The following FAM120C variants were observed in gnomAD, a reference collection of about 807,000 sequenced individuals.
FAM120C encodes family with sequence similarity 120 member C, also known as constitutive coactivator of PPAR-gamma-like protein 2.
Under a neutral mutation model 71.2 loss-of-function variants are expected in FAM120C, and 14 were observed. The observed-to-expected ratio is 0.20, with a 90% CI of 0.13 to 0.31. FAM120C has a LOEUF of 0.31. FAM120C is among the 10% of genes least tolerant of loss of function. The pLI, the probability that FAM120C is intolerant of heterozygous loss-of-function variation, is 1.00. For synonymous variants in FAM120C, 354 were observed against 353.2 expected, an observed-to-expected ratio of 1.00 and a Z score of -0.03; for missense variants, 500 against 879.0, an observed-to-expected ratio of 0.57 and a Z score of 5.45.
At chrX:54,162,753 C>G (rs1476420087) in intron 1 of FAM120C, among the ~76,000 whole-genome samples, 2 of 111,729 alleles carry the variant, frequency 1.8e-5, no homozygotes, top group Admixed American at 1.9e-4. Flanking sequence ...CTACTATGTA[C>G]CAGGCACTGT....
intron 9 of FAM120C, among the ~76,000 whole-genome samples, chrX:54,129,063 C>T (rs1287036433): frequency 2.8e-5 from 3 of 106,591 alleles, no homozygotes; most frequent in East Asian, 6.2e-4. Context: ...CAGAGGCGCC[C>T]CCAACCTCCC....
At position 54,072,877 on chromosome X, in the gene FAM120C, G is replaced by T; in HGVS notation, c.*156C>A. On this transcript the variant is annotated 3_prime_UTR_variant, in exon 16 of 16. Transcript: ENST00000375180. ...CACTGAATCTGAAGTCCCAGAAACA[G>T]GCAGGGAAGGGGAAAAGATGGACAC... is the stretch of plus-strand genomic sequence containing the variant. The T allele has an allele frequency of 1.6e-6, 1 of 611,013 alleles. No homozygotes were observed. The highest frequency in any genetic ancestry group is 2.4e-6 in the Non-Finnish European group (1 of 410,370). The allele number at this position is 611,013 out of a possible 1,213,427, so 50.4% of individuals were successfully genotyped here.
chrX:54,143,068 C>T (rs1240285331), intron 4 of FAM120C, among the ~76,000 whole-genome samples: 1 of 111,580 alleles, frequency 9.0e-6, no homozygotes, highest in Non-Finnish European at 1.9e-5. Flanking sequence ...AAAGGACATC[C>T]ACACCAAAAC....
intron 10 of FAM120C, among the ~76,000 whole-genome samples, chrX:54,112,366 G>A (rs992891460): frequency 1.8e-5 from 2 of 110,449 alleles, no homozygotes; most frequent in Non-Finnish European, 3.8e-5. Context: ...GTCGTAAGCC[G>A]AGATCGCGCC....
At chrX:54,177,094 T>C (rs2067322813) in intron 1 of FAM120C, among the ~76,000 whole-genome samples, 1 of 110,636 alleles carries the variant, frequency 9.0e-6, no homozygotes, top group Admixed American at 9.7e-5. Context: ...ACTAAGAAAA[T>C]ATAGAATGGT....
chrX:54,079,407 T>G (rs2066753364), intron 15 of FAM120C, among the ~76,000 whole-genome samples: 1 of 110,191 alleles, frequency 9.1e-6, no homozygotes, highest in African/African-American at 3.3e-5. Flanking sequence ...GCCACTGCAC[T>G]CCAGCCTGCC....
At chrX:54,174,582 G>A (rs1030537833) in intron 1 of FAM120C, among the ~76,000 whole-genome samples, 4 of 112,001 alleles carry the variant, frequency 3.6e-5, no homozygotes, top group African/African-American at 1.3e-4. Flanking sequence ...CAACAAATTC[G>A]AACTTGTTAA....
intron 8 of FAM120C, 61 bp downstream of exon 8, chrX:54,133,712 C>T: frequency 8.9e-7 from 1 of 1,121,082 alleles, no homozygotes. Context: ...AACTTACAGT[C>T]CTAGGAAGTA....
intron 5 of FAM120C, among the ~76,000 whole-genome samples, chrX:54,135,999 CTT>C (rs782253279): frequency 1.5e-4 from 15 of 96,842 alleles, no homozygotes; most frequent in Admixed American, 1.1e-4. Flanking sequence ...CAGGGCCCTT[CTT>C]TTTTTTTTTT....
chrX:54,163,851 C>T (rs897569207), intron 1 of FAM120C, among the ~76,000 whole-genome samples: 1 of 108,561 alleles, frequency 9.2e-6, no homozygotes, highest in Non-Finnish European at 1.9e-5. Flanking sequence ...TTAAGTCATT[C>T]GTTTCATCTA....
intron 10 of FAM120C, among the ~76,000 whole-genome samples, chrX:54,110,736 G>T (rs1339175521): frequency 9.1e-6 from 1 of 110,134 alleles, no homozygotes; most frequent in Non-Finnish European, 1.9e-5. Context: ...CATAGTGAGA[G>T]CCTGTCTCTA....
At chrX:54,127,757 T>TA (rs1249314952) in intron 9 of FAM120C, among the ~76,000 whole-genome samples, 14 of 109,177 alleles carry the variant, frequency 1.3e-4, no homozygotes, top group African/African-American at 4.3e-4. Context: ...TCAGCTATAT[T>TA]AAAAAAAATT....
chrX:54,178,535 G>A (rs868923076), intron 1 of FAM120C, among the ~76,000 whole-genome samples: 34 of 111,606 alleles, frequency 3.0e-4, no homozygotes, highest in African/African-American at 1.1e-3. Context: ...TTACCTCTTG[G>A]TTACCTCAGT....
At chrX:54,122,963 C>T (rs1557127386) in intron 9 of FAM120C, among the ~76,000 whole-genome samples, 1 of 16,934 alleles carries the variant, frequency 5.9e-5, no homozygotes, top group African/African-American at 3.2e-4. Context: ...TATTTTATTT[C>T]TCCTTCACTT....
intron 10 of FAM120C, among the ~76,000 whole-genome samples, chrX:54,092,220 G>C (rs1557122718): frequency 3.6e-5 from 4 of 110,943 alleles, no homozygotes; most frequent in African/African-American, 9.8e-5. Flanking sequence ...CAGGGTGGTT[G>C]TGAGGATTAA....
intron 1 of FAM120C, among the ~76,000 whole-genome samples, chrX:54,175,132 A>G (rs1457839308): frequency 5.4e-5 from 6 of 111,563 alleles, no homozygotes; most frequent in African/African-American, 2.0e-4. Flanking sequence ...TTCCTATGTC[A>G]CAAAACATAT....
intron 9 of FAM120C, among the ~76,000 whole-genome samples, chrX:54,125,643 C>G (rs1205075964): frequency 8.9e-6 from 1 of 112,948 alleles, no homozygotes; most frequent in Non-Finnish European, 1.9e-5. Flanking sequence ...GTAAGTCTTA[C>G]AATCAGGTTC....
intron 10 of FAM120C, among the ~76,000 whole-genome samples, chrX:54,104,115 A>G (rs2066894724): frequency 8.9e-6 from 1 of 112,055 alleles, no homozygotes; most frequent in Non-Finnish European, 1.9e-5. Context: ...GCTAGAAATG[A>G]TAAAGCCTTG....
At chrX:54,085,958 G>A (rs782114436) in intron 12 of FAM120C, 42 bp from the exon 13 acceptor site, 33 of 1,137,117 alleles carry the variant, frequency 2.9e-5, no homozygotes, top group African/African-American at 7.2e-5. Context: ...GCCATTTTTC[G>A]AACTTGTCCC....
Sources: gnomAD v4.1 joint callset for allele counts (sites outside exome capture counted in the v4.1 genomes callset) on GRCh38, gnomAD v4.1.1 for gene constraint, MANE v1.5 for transcripts, NCBI Gene and HGNC (gene_info 2026-07-23, HGNC 2026-07-21) for gene names.